Variants in TBCK observed in about 807,000 individuals in gnomAD.
TBCK encodes the protein TBC1 domain containing kinase, also known as TBC domain-containing protein kinase-like protein.
A neutral mutation model predicts 113.4 loss-of-function variants in TBCK; 99 were observed. The ratio of observed to expected loss-of-function variants is 0.87; its 90% CI spans 0.74 to 1.03. The LOEUF is 1.03. Among genes scored for constraint, TBCK ranks in the 50% least tolerant of loss-of-function variants. TBCK has a pLI of 0.00. For synonymous variants in TBCK, 369 were observed against 370.8 expected, an observed-to-expected ratio of 1.00 and a Z score of 0.05; for missense variants, 1,045 against 1,061.3, an observed-to-expected ratio of 0.98 and a Z score of 0.21.
At chr4:106,139,621 GA>G (rs1168847251) in intron 23 of TBCK, among the ~76,000 whole-genome samples, 2 of 140,696 alleles carry the variant, frequency 1.4e-5, no homozygotes, top group South Asian at 4.8e-4. Context: ...TTAAATAGGA[GA>G]AAAAATTCTG....
rs551635973 is a variant in TBCK, at chr4:106,093,197, CTT to C, written c.2571+2283_2571+2284del. ...AGTTAAGTTTCATCATTAAGAATGA[CTT>C]TCATTTAGTGTCAAAAGTTAATCCT... On this transcript the variant is annotated intron_variant, in intron 25 of 25. Transcript: ENST00000394708. 1.2e-3 allele frequency among the ~76,000 whole-genome samples: 185 copies of C among 152,302 alleles called. 1 individual carries two copies. The highest frequency in any genetic ancestry group is 0.01 in the Middle Eastern group (3 of 294).
chr4:106,285,413 T>TAGC (rs1765017668), intron 3 of TBCK, among the ~76,000 whole-genome samples: 2 of 152,220 alleles, frequency 1.3e-5, no homozygotes, highest in South Asian at 4.1e-4. Flanking sequence ...CCCATAGTAG[T>TAGC]AGCAAATTAC....
chr4:106,288,083 T>C (rs1383070727), intron 3 of TBCK, among the ~76,000 whole-genome samples: 1 of 146,356 alleles, frequency 6.8e-6, no homozygotes, highest in African/African-American at 2.5e-5. Flanking sequence ...TCAAGCCAAG[T>C]GAATAACTCA....
Position 106,308,792 on chromosome 4 carries a change from C to T in TBCK, c.169G>A (p.Val57Met), listed in dbSNP as rs1240410048. The change falls in exon 2 of 26, where the codon GTG becomes ATG. Residue 57 changes from valine to methionine, a missense_variant. By Grantham distance (21) the Val-to-Met change is conservative. Coordinates refer to ENST00000394708, the MANE Select transcript of TBCK (RefSeq NM_001163435.3). ...CCATGCTTTCCCCTAGAAATATCCA[C>T]ATACTGGCAGAGTCTGGGATGGGTG... ...TITHPRLCQY[V>M]DISRGKHERL... The T allele has an allele frequency of 1.2e-6, 2 of 1,613,458 alleles. No individual in the cohort carries two copies. Among genetic ancestry groups the T allele is most frequent in the Admixed American group, 1.7e-5 (1 of 59,878 alleles).
chr4:106,263,320 A>G (rs1762670048), intron 3 of TBCK, among the ~76,000 whole-genome samples: 1 of 152,006 alleles, frequency 6.6e-6, no homozygotes, highest in Non-Finnish European at 1.5e-5. Flanking sequence ...AAAAAAGAAC[A>G]GAACAAATAG....
At chr4:106,052,373 G>C (rs1434491573) in intron 25 of TBCK, among the ~76,000 whole-genome samples, 1 of 151,720 alleles carries the variant, frequency 6.6e-6, no homozygotes, top group Non-Finnish European at 1.5e-5. Flanking sequence ...TAAAAAGTGG[G>C]AGAGTCTAGA....
intron 23 of TBCK, among the ~76,000 whole-genome samples, chr4:106,145,985 G>A (rs1211727635): frequency 6.6e-6 from 1 of 152,136 alleles, no homozygotes. Flanking sequence ...AAGCAGTAGG[G>A]TGATTCCTCA....
At chr4:106,269,451 A>T (rs1213304760) in intron 3 of TBCK, among the ~76,000 whole-genome samples, 3 of 152,106 alleles carry the variant, frequency 2.0e-5, no homozygotes, top group Non-Finnish European at 2.9e-5. Flanking sequence ...AAAATACCAC[A>T]ATATTTAACA....
intron 25 of TBCK, among the ~76,000 whole-genome samples, chr4:106,062,794 T>G (rs1321142120): frequency 6.6e-6 from 1 of 151,908 alleles, no homozygotes; most frequent in Non-Finnish European, 1.5e-5. Flanking sequence ...AAGATTAAGA[T>G]GATGACTTTG....
chr4:106,185,470 A>T (rs1271280780), intron 22 of TBCK, among the ~76,000 whole-genome samples: 1 of 151,686 alleles, frequency 6.6e-6, no homozygotes, highest in African/African-American at 2.4e-5. Flanking sequence ...ACTGAACAAC[A>T]ACTTCCCATT....
chr4:106,172,042 G>A (rs1194307024), intron 22 of TBCK, among the ~76,000 whole-genome samples: 1 of 152,020 alleles, frequency 6.6e-6, no homozygotes, highest in African/African-American at 2.4e-5. Context: ...ATGTTGCCCA[G>A]GCTGTTCTTG....
Position 106,242,481 on chromosome 4 carries a change from GGCA to G in TBCK, c.1156_1158del (p.Cys386del), listed in dbSNP as rs1760256255. On this transcript the variant is annotated inframe_deletion, in exon 12 of 26. Coordinates refer to ENST00000394708, the MANE Select transcript of TBCK (RefSeq NM_001163435.3). ...AATATCTTTCTTACATTTCTTAGCT[GGCA>G]TAACGACAATGTCACAGTGGTATCA... is the stretch of plus-strand genomic sequence containing the variant. 1 of 1,600,580 alleles carries G rather than the reference GGCA, an allele frequency of 6.2e-7. No homozygotes were observed. Among genetic ancestry groups the G allele is most frequent in the African/African-American group, 1.3e-5 (1 of 74,302 alleles).
At chr4:106,177,984 T>A (rs1751887203) in intron 22 of TBCK, among the ~76,000 whole-genome samples, 1 of 151,900 alleles carries the variant, frequency 6.6e-6, no homozygotes, top group South Asian at 2.1e-4. Context: ...TCATTTTTTA[T>A]TGCCCTCTAT....
intron 23 of TBCK, among the ~76,000 whole-genome samples, chr4:106,143,318 G>C (rs562232711): frequency 6.6e-6 from 1 of 152,206 alleles, no homozygotes; most frequent in South Asian, 2.1e-4. Context: ...AGACACTTGT[G>C]CATACTTCAA....
At chr4:106,255,106 T>G in intron 5 of TBCK, 1 of 256,834 alleles carries the variant, frequency 3.9e-6, no homozygotes, top group Middle Eastern at 6.4e-4. Context: ...ACTAACATCT[T>G]TACAATACTA....
chr4:106,246,233 T>C (rs980129986), intron 10 of TBCK, among the ~76,000 whole-genome samples: 1 of 152,154 alleles, frequency 6.6e-6, no homozygotes, highest in Middle Eastern at 3.2e-3. Context: ...CTGTCTGCCT[T>C]CCCATTTGGC....
At chr4:106,121,466 G>A (rs1163255091) in intron 23 of TBCK, among the ~76,000 whole-genome samples, 21 of 148,002 alleles carry the variant, frequency 1.4e-4, no homozygotes, top group Admixed American at 8.1e-4. Context: ...ACAGATCAAC[G>A]AGACAGAAAG....
At chr4:106,171,361 T>A in intron 22 of TBCK, 91 bp from the exon 23 acceptor site, 2 of 895,860 alleles carry the variant, frequency 2.2e-6, no homozygotes, top group Non-Finnish European at 3.4e-6. Flanking sequence ...TGAATATATC[T>A]AAATATGGCT....
chr4:106,042,140 T>C lies in TBCK; in HGVS notation c.*4430A>G, dbSNP rs1172207195. Reference sequence around the variant, plus strand: ...TGAACATCCAAACTAAAATTGATCATAAATATTACCATTTTGCTTCCAATC... The same window carrying C: ...TGAACATCCAAACTAAAATTGATCACAAATATTACCATTTTGCTTCCAATC... On this transcript the variant is annotated 3_prime_UTR_variant, in exon 26 of 26. Coordinates refer to ENST00000394708, the MANE Select transcript of TBCK (RefSeq NM_001163435.3). 6.6e-6 allele frequency: 1 copy of C among 152,222 alleles called. No homozygotes were observed. The highest frequency in any genetic ancestry group is 1.5e-5 in the Non-Finnish European group (1 of 68,030). The allele number at this position is 152,222 out of a possible 1,614,324, so 9.4% of individuals were successfully genotyped here.
Sources: gnomAD v4.1 joint callset for allele counts (sites outside exome capture counted in the v4.1 genomes callset) on GRCh38, gnomAD v4.1.1 for gene constraint, MANE v1.5 for transcripts, NCBI Gene and HGNC (gene_info 2026-07-23, HGNC 2026-07-21) for gene names.